IFT43: variants seen among roughly 807,000 people sequenced by gnomAD.
IFT43 encodes intraflagellar transport 43.
In IFT43, 33 loss-of-function variants were observed where a neutral mutation model predicts 32.3. The ratio of observed to expected loss-of-function variants is 1.02; its 90% CI spans 0.77 to 1.37. The LOEUF (loss-of-function observed/expected upper bound fraction) is 1.37. Among genes scored for constraint, IFT43 ranks in the 40% most tolerant of loss-of-function variants. IFT43 has a pLI of 0.00. For missense variants in IFT43, 274 were observed against 265.9 expected, an observed-to-expected ratio of 1.03 and a Z score of -0.21; for synonymous variants, 93 against 98.2, an observed-to-expected ratio of 0.95 and a Z score of 0.31.
At chr14:76,036,353 TTTTGTTTG>T (rs565752030) in intron 3 of IFT43, among the ~76,000 whole-genome samples, 2 of 151,840 alleles carry the variant, frequency 1.3e-5, no homozygotes, top group Non-Finnish European at 2.9e-5. Flanking sequence ...CCTTCCTTTT[TTTTGTTTG>T]TTTGTTCGTT....
At chr14:76,049,847 A>G (rs1227001678) in intron 3 of IFT43, among the ~76,000 whole-genome samples, 3 of 144,438 alleles carry the variant, frequency 2.1e-5, no homozygotes, top group Non-Finnish European at 3.1e-5. Flanking sequence ...GAAAGCAAAG[A>G]ACCCATGGTT....
intron 3 of IFT43, among the ~76,000 whole-genome samples, chr14:76,041,494 G>T (rs984096581): frequency 7.9e-5 from 12 of 152,208 alleles, no homozygotes; most frequent in Admixed American, 2.0e-4. Flanking sequence ...GCTTGCCAGG[G>T]TCTTCTTGAA....
intron 5 of IFT43, among the ~76,000 whole-genome samples, chr14:76,069,750 A>G (rs1010118048): frequency 4.0e-4 from 61 of 152,328 alleles, no homozygotes; most frequent in African/African-American, 1.4e-3. Flanking sequence ...AGGAGCCCAA[A>G]AAAAGGACTC....
At chr14:75,991,848 C>T (rs1486724276) in intron 2 of IFT43, among the ~76,000 whole-genome samples, 1 of 152,140 alleles carries the variant, frequency 6.6e-6, no homozygotes, top group African/African-American at 2.4e-5. Flanking sequence ...TCTCCCTGGG[C>T]TAATTGAGGT....
intron 5 of IFT43, chr14:76,059,671 A>G (rs936488622): frequency 1.8e-5 from 8 of 438,732 alleles, no homozygotes; most frequent in Non-Finnish European, 3.0e-5. Flanking sequence ...TTCTTTCTCC[A>G]TGCTCCTCTA....
At chr14:75,995,088 G>T (rs1337875311) in intron 2 of IFT43, among the ~76,000 whole-genome samples, 2 of 152,186 alleles carry the variant, frequency 1.3e-5, no homozygotes, top group East Asian at 3.9e-4. Flanking sequence ...ATTACATGCA[G>T]TGTCCTAGTT....
In IFT43 at chr14:76,057,553, CAA is replaced by C. The variant is rs66748105; in HGVS notation, c.216-1076_216-1075del. 4.7e-3 allele frequency among the ~76,000 whole-genome samples: 691 copies of C among 146,096 alleles called. 4 individuals are homozygous for C. Among genetic ancestry groups the C allele is most frequent in the African/African-American group, 9.9e-3 (397 of 39,918 alleles). ...GCTGAAATTTTTATTTTTTAATTGA[CAA>C]AAAAAAAAAAAATGAATGTAGAATT... On this transcript the variant is annotated intron_variant, in intron 3 of 8. Transcript: ENST00000314067.
intron 2 of IFT43, among the ~76,000 whole-genome samples, chr14:76,017,486 A>C (rs1272203212): frequency 6.6e-6 from 1 of 152,052 alleles, no homozygotes; most frequent in Non-Finnish European, 1.5e-5. Context: ...TCCTATGTTC[A>C]TCAGGGATGT....
At chr14:76,003,631 CAA>C (rs549597225) in intron 2 of IFT43, among the ~76,000 whole-genome samples, 2 of 141,910 alleles carry the variant, frequency 1.4e-5, no homozygotes, top group South Asian at 2.2e-4. Flanking sequence ...GACTCCGTTT[CAA>C]AAAAAAAAAT....
intron 1 of IFT43, among the ~76,000 whole-genome samples, chr14:75,988,344 A>C (rs749035290): frequency 6.6e-6 from 1 of 152,176 alleles, no homozygotes. Context: ...CCTGGGCAAC[A>C]GAGTGAGAAC....
chr14:76,023,871 A>G (rs928466412), intron 3 of IFT43, among the ~76,000 whole-genome samples: 3 of 152,236 alleles, frequency 2.0e-5, no homozygotes, highest in Non-Finnish European at 4.4e-5. Flanking sequence ...AAGCTGTAGT[A>G]TCAGAAGTAT....
rs370083177 is a variant in IFT43, at chr14:75,997,972, C to A, written c.147+8995C>A. On this transcript the variant is annotated intron_variant, in intron 2 of 8. Transcript: ENST00000314067. ...GATAAAAAAACAAAACAAAACAAAA[C>A]AAAACCCAAATCCTTAACTTAGTCC... is the stretch of plus-strand genomic sequence containing the variant. Among the ~76,000 whole-genome samples the A allele has an allele frequency of 1.2e-3, 188 of 152,270 alleles. 5 individuals are homozygous for A. In the South Asian group the frequency reaches 0.037, roughly 30 times the overall value.
chr14:76,005,603 C>G (rs2035966578), intron 2 of IFT43, among the ~76,000 whole-genome samples: 1 of 152,162 alleles, frequency 6.6e-6, no homozygotes, highest in Admixed American at 6.5e-5. Context: ...TTGGGGGCTC[C>G]CTTCTTCTCA....
intron 3 of IFT43, 159 bp downstream of exon 3, chr14:76,022,553 A>G: frequency 1.8e-6 from 1 of 561,046 alleles, no homozygotes; most frequent in Non-Finnish European, 3.3e-6. Context: ...CATTCTTAAT[A>G]TATTCACAGA....
intron 5 of IFT43, among the ~76,000 whole-genome samples, chr14:76,077,557 C>T (rs1449140956): frequency 6.6e-6 from 1 of 152,134 alleles, no homozygotes; most frequent in Non-Finnish European, 1.5e-5. Context: ...AGACTTGGGG[C>T]AAATTTCATG....
intron 5 of IFT43, among the ~76,000 whole-genome samples, chr14:76,081,118 G>T (rs1269285505): frequency 2.0e-5 from 3 of 152,286 alleles, no homozygotes; most frequent in Admixed American, 6.5e-5. Flanking sequence ...AAGACACCAG[G>T]CTTGGAACTG....
At chr14:76,003,784 T>C (rs2035933554) in intron 2 of IFT43, among the ~76,000 whole-genome samples, 1 of 151,976 alleles carries the variant, frequency 6.6e-6, no homozygotes, top group Non-Finnish European at 1.5e-5. Flanking sequence ...GTTTTTGTTT[T>C]GTTTTGTTTT....
intron 2 of IFT43, among the ~76,000 whole-genome samples, chr14:75,997,216 C>A (rs2035764686): frequency 6.6e-6 from 1 of 152,144 alleles, no homozygotes; most frequent in Non-Finnish European, 1.5e-5. Flanking sequence ...GTTAATGGAG[C>A]AGTTGACCAT....
chr14:76,021,009 CT>C (rs2036279900), intron 2 of IFT43, among the ~76,000 whole-genome samples: 1 of 152,092 alleles, frequency 6.6e-6, no homozygotes, highest in South Asian at 2.1e-4. Flanking sequence ...TATTCCCAGG[CT>C]CGCAGACTAT....
Sources: allele counts gnomAD v4.1 joint callset (sites outside exome capture counted in the v4.1 genomes callset), GRCh38; gene constraint gnomAD v4.1.1; transcripts MANE v1.5; gene names NCBI Gene and HGNC (gene_info 2026-07-23, HGNC 2026-07-21).